The following DMRT2 variants were observed in gnomAD, a reference collection of about 807,000 sequenced individuals.
The protein encoded by DMRT2 is doublesex and mab-3 related transcription factor 2, also known as doublesex- and mab-3-related transcription factor 2.
A neutral mutation model predicts 43.5 loss-of-function variants in DMRT2; 33 were observed. That is an observed-to-expected ratio of 0.76 (90% CI 0.58 to 1.01). The LOEUF (loss-of-function observed/expected upper bound fraction) is 1.01. Ranked by LOEUF, DMRT2 falls within the 50% of genes least tolerant of loss-of-function variation. The pLI, the probability that DMRT2 is intolerant of heterozygous loss-of-function variation, is 0.00. For missense variants in DMRT2, 1,064 were observed against 748.0 expected, an observed-to-expected ratio of 1.42 and a Z score of -4.93; for synonymous variants, 395 against 309.2, an observed-to-expected ratio of 1.28 and a Z score of -2.91.
In DMRT2 at chr9:1,057,117, C is replaced by T. The variant is rs771318177; in HGVS notation, c.1530C>T (p.Asp510=). 12 of 1,613,970 alleles carry T rather than the reference C, an allele frequency of 7.4e-6. No individual in the cohort carries two copies. The highest frequency in any genetic ancestry group is 3.3e-5 in the Admixed American group (2 of 60,002). The change falls in exon 4 of 4, where the codon GAC becomes GAT. Residue 510 remains aspartate (D), a synonymous_variant. Coordinates refer to ENST00000358146, the MANE Select transcript of DMRT2 (RefSeq NM_181872.6). ...PKKHRECLVK[D]NQKYTFTIDR... is the part of the protein sequence containing the mutation. ...AACACAGAGAGTGTTTAGTTAAGGA[C>T]AACCAGAAGTACACATTTACAATAG...
Position 1,057,321 on chromosome 9 carries a change from A to G in DMRT2, c.*48A>G, listed in dbSNP as rs758011765. 3 of 1,512,958 alleles carry G rather than the reference A, an allele frequency of 2.0e-6. No individual in the cohort carries two copies. Among genetic ancestry groups the G allele is most frequent in the Admixed American group, 4.5e-5 (2 of 44,588 alleles). 93.7% of individuals were successfully genotyped at this position (1,512,958 alleles called of 1,614,324 possible). A position where few individuals can be genotyped will look rare whatever the true frequency, so the allele number is the denominator to read the frequency against. On this transcript the variant is annotated 3_prime_UTR_variant, in exon 4 of 4. Transcript: ENST00000358146. Reference sequence around the variant, plus strand: ...GGATTTTCTGCAGTCTTAGAGCATTATAGCCATTTGCTACTTTTTTTAAAA... The same window carrying G: ...GGATTTTCTGCAGTCTTAGAGCATTGTAGCCATTTGCTACTTTTTTTAAAA...
chr9:1,052,163 T>C, intron 2 of DMRT2, 25 bp downstream of exon 2: 1 of 1,344,058 alleles, frequency 7.4e-7, no homozygotes, highest in South Asian at 1.8e-5. Context: ...GGCCCGGGCG[T>C]CTCAGGCCAC....
intron 3 of DMRT2, among the ~76,000 whole-genome samples, 186 bp downstream of exon 3, chr9:1,054,010 G>C (rs1821797602): frequency 6.6e-6 from 1 of 152,202 alleles, no homozygotes; most frequent in Admixed American, 6.5e-5. Context: ...GAGAAGATTA[G>C]CATGGCCCGG....
At chr9:1,052,299 A>G (rs1353748672) in intron 2 of DMRT2, among the ~76,000 whole-genome samples, 161 bp downstream of exon 2, 3 of 152,090 alleles carry the variant, frequency 2.0e-5, no homozygotes, top group African/African-American at 7.2e-5. Flanking sequence ...ACTGGCGAGC[A>G]GGGTCGGGAG....
intron 3 of DMRT2, chr9:1,055,812 T>A: frequency 6.6e-7 from 1 of 1,512,750 alleles, no homozygotes; most frequent in Middle Eastern, 1.8e-4. Flanking sequence ...ATAGATATAT[T>A]TTTTAATAAT....
Position 1,052,142 on chromosome 9 carries a change from C to G in DMRT2, c.525+4C>G. On this transcript the variant is annotated splice_donor_region_variant and intron_variant, in intron 2 of 3. Transcript: ENST00000358146. ...CCGGAGGCAGCAGGCCACCGAGGTG[C>G]GTACCCGCCCGGCCCGGGCGTCTCA... 7.2e-7 allele frequency: 1 copy of G among 1,380,202 alleles called. No individual in the cohort carries two copies. Among genetic ancestry groups the G allele is most frequent in the Non-Finnish European group, 9.3e-7 (1 of 1,073,136 alleles). The allele number at this position is 1,380,202 out of a possible 1,614,324, so 85.5% of individuals were successfully genotyped here. A position where few individuals can be genotyped will look rare whatever the true frequency, so the allele number is the denominator to read the frequency against.
In DMRT2 at chr9:1,053,291, G is replaced by A. The variant is rs1821740478; in HGVS notation, c.526-431G>A. On this transcript the variant is annotated intron_variant, in intron 2 of 3. Coordinates refer to ENST00000358146, the MANE Select transcript of DMRT2 (RefSeq NM_181872.6). ...CCCTGCCACAGGGAGAAATCCGCCC[G>A]GCCTCACTGCTTCACAGCAGGCCTT... Among the ~76,000 whole-genome samples, 4 of 150,768 alleles carry A rather than the reference G, an allele frequency of 2.7e-5. No homozygotes were observed. The South Asian group carries it at 8.3e-4, about 31-fold the overall frequency.
chr9:1,057,391 T>C lies in DMRT2; in HGVS notation c.*118T>C, dbSNP rs1281647414. 6.9e-6 allele frequency: 8 copies of C among 1,151,296 alleles called. No individual in the cohort carries two copies. Among genetic ancestry groups the C allele is most frequent in the African/African-American group, 6.2e-5 (4 of 64,072 alleles). The allele number at this position is 1,151,296 out of a possible 1,614,324, so 71.3% of individuals were successfully genotyped here. ...GAAATTTCTAATGTAAAGATGATGATTTTGAAAAATTTTATATATTCCTAA... is the reference window on the plus strand; with the variant it reads ...GAAATTTCTAATGTAAAGATGATGACTTTGAAAAATTTTATATATTCCTAA... On this transcript the variant is annotated 3_prime_UTR_variant, in exon 4 of 4. Coordinates refer to ENST00000358146, the MANE Select transcript of DMRT2 (RefSeq NM_181872.6).
chr9:1,052,025 C>G lies in DMRT2; in HGVS notation c.412C>G (p.His138Asp). The change falls in exon 2 of 4, where the codon CAC (histidine) becomes GAC (aspartate). Residue 138 changes from histidine to aspartate, a missense_variant. His to Asp is a moderately conservative substitution (Grantham distance 81, BLOSUM62 -1). Transcript: ENST00000358146. ...NHGVVSCLKG[H>D]KRFCRWRDCQ... is the part of the protein sequence containing the mutation. ...CGGCGTGGTGTCCTGCCTGAAGGGCCACAAGCGCTTCTGTCGCTGGCGCGA... is the reference window on the plus strand; with the variant it reads ...CGGCGTGGTGTCCTGCCTGAAGGGCGACAAGCGCTTCTGTCGCTGGCGCGA... The G allele has an allele frequency of 6.8e-7, 1 of 1,477,066 alleles. No homozygotes were observed. Among genetic ancestry groups the G allele is most frequent in the Non-Finnish European group, 8.9e-7 (1 of 1,120,956 alleles). 91.5% of individuals were successfully genotyped at this position (1,477,066 alleles called of 1,614,324 possible). A position where few individuals can be genotyped will look rare whatever the true frequency, so the allele number is the denominator to read the frequency against.
chr9:1,053,624 G>C (rs974110470), intron 2 of DMRT2, 98 bp from the exon 3 acceptor site: 20 of 1,015,708 alleles, frequency 2.0e-5, no homozygotes, highest in African/African-American at 1.8e-4. Flanking sequence ...ATTTAGAAGG[G>C]GGAGAGTTTC....
Position 1,050,697 on chromosome 9 carries a change from C to T in DMRT2, c.-123C>T, listed in dbSNP as rs1821505840. 1 of 152,334 alleles carries T rather than the reference C, an allele frequency of 6.6e-6. No individual in the cohort carries two copies. Among genetic ancestry groups the T allele is most frequent in the Admixed American group, 6.5e-5 (1 of 15,286 alleles). The allele number at this position is 152,334 out of a possible 1,614,324, so 9.4% of individuals were successfully genotyped here. On this transcript the variant is annotated 5_prime_UTR_variant, in exon 1 of 4. Coordinates refer to ENST00000358146, the MANE Select transcript of DMRT2 (RefSeq NM_181872.6). The stretch of plus-strand genomic sequence containing the variant: ...AGCGACCCCGATTTCTGTTTGCATG[C>T]ACAGCCAGCAGCCCTAGCGCCAGAT...
chr9:1,056,135 T>C lies in DMRT2; in HGVS notation c.629-81T>C, dbSNP rs541703034. 2.0e-6 allele frequency: 3 copies of C among 1,526,302 alleles called. No homozygotes were observed. In the Admixed American group the frequency reaches 6.7e-5, roughly 34 times the overall value. The allele number at this position is 1,526,302 out of a possible 1,614,324, so 94.5% of individuals were successfully genotyped here. A position where few individuals can be genotyped will look rare whatever the true frequency, so the allele number is the denominator to read the frequency against. ...AAATAATTGTTCTGCTGATCTGTAG[T>C]GTTGCTGTTACCTTCTGGGTTTCCA... is the stretch of plus-strand genomic sequence containing the variant. On this transcript the variant is annotated intron_variant, in intron 3 of 3. Transcript: ENST00000358146.
intron 3 of DMRT2, 91 bp downstream of exon 3, chr9:1,053,915 A>T (rs755589387): frequency 5.5e-6 from 6 of 1,088,432 alleles, no homozygotes; most frequent in Middle Eastern, 2.3e-4. Context: ...TCTGTGAAAG[A>T]GCTATCTAAA....
intron 3 of DMRT2, 77 bp from the exon 4 acceptor site, chr9:1,056,139 G>A (rs1353300712): frequency 2.6e-5 from 40 of 1,528,094 alleles, no homozygotes; most frequent in Non-Finnish European, 3.3e-5. Context: ...CTGTAGTGTT[G>A]CTGTTACCTT....
At position 1,057,249 on chromosome 9, in the gene DMRT2, T is replaced by C. The variant is rs749806998; in HGVS notation, c.1662T>C (p.Ser554=). 1.4e-5 allele frequency: 22 copies of C among 1,611,772 alleles called. No homozygotes were observed. The highest frequency in any genetic ancestry group is 1.7e-5 in the Non-Finnish European group (20 of 1,179,134). The change falls in exon 4 of 4, where the codon TCT becomes TCC. Residue 554 remains serine (S), a synonymous_variant. Transcript: ENST00000358146. ...AGTCTATTCTTAAGAGGCCTTCATC[T>C]GCCATCACTCGTGTCTCTCAGTGAA... ...SVESILKRPS[S]AITRVSQ
At position 1,051,838 on chromosome 9, in the gene DMRT2, C is replaced by T. The variant is rs1038801460; in HGVS notation, c.225C>T (p.Pro75=). The change falls in exon 2 of 4, where the codon CCC becomes CCT. Residue 75 remains proline (P), a synonymous_variant. Transcript: ENST00000358146. The surrounding 1 kb of genome is among the most constrained non-coding windows in gnomAD (Gnocchi z 5.9). The part of the protein sequence containing the change: ...GEEAGASPGM[P]GQPEQRGGPQ... ...AGGCAGGCGCGTCCCCCGGGATGCC[C>T]GGCCAGCCGGAGCAGCGGGGGGGAC... 4.9e-6 allele frequency: 7 copies of T among 1,435,324 alleles called. No homozygotes were observed. In the Middle Eastern group the frequency reaches 7.1e-4, roughly 146 times the overall value. The allele number at this position is 1,435,324 out of a possible 1,614,324, so 88.9% of individuals were successfully genotyped here. A position where few individuals can be genotyped will look rare whatever the true frequency, so the allele number is the denominator to read the frequency against.
Position 1,052,032 on chromosome 9 carries a change from G to T in DMRT2, c.419G>T (p.Arg140Leu), listed in dbSNP as rs1333486286. Reference sequence around the variant, plus strand: ...GTGTCCTGCCTGAAGGGCCACAAGCGCTTCTGTCGCTGGCGCGACTGCCAG... The same window carrying T: ...GTGTCCTGCCTGAAGGGCCACAAGCTCTTCTGTCGCTGGCGCGACTGCCAG... Reference protein sequence around the residue: ...GVVSCLKGHKRFCRWRDCQCA... With the variant: ...GVVSCLKGHKLFCRWRDCQCA... The change falls in exon 2 of 4, where the codon CGC becomes CTC. Residue 140 changes from arginine (R) to leucine (L), a missense_variant. Arg to Leu is a moderately radical substitution (Grantham distance 102). Transcript: ENST00000358146. 10 of 1,474,418 alleles carry T rather than the reference G, an allele frequency of 6.8e-6. No homozygotes were observed. The highest frequency in any genetic ancestry group is 1.5e-5 in the African/African-American group (1 of 68,152). 91.3% of individuals were successfully genotyped at this position (1,474,418 alleles called of 1,614,324 possible).
Position 1,051,156 on chromosome 9 carries a change from G to T in DMRT2, c.-45+381G>T, listed in dbSNP as rs555968978. Among the ~76,000 whole-genome samples the T allele has an allele frequency of 3.9e-5, 6 of 152,240 alleles. No homozygotes were observed. The South Asian group carries it at 1.2e-3, about 32-fold the overall frequency. ...GGCCACTTGTAATCAAAGGAAAACTGTTCTTCCACGGATAGTTTTATATGC... is the reference window on the plus strand; with the variant it reads ...GGCCACTTGTAATCAAAGGAAAACTTTTCTTCCACGGATAGTTTTATATGC... On this transcript the variant is annotated intron_variant, in intron 1 of 3. Transcript: ENST00000358146. This position sits in a 1 kb window ranked among gnomAD's most constrained non-coding sequence, Gnocchi z 5.9.
chr9:1,057,355 G>A lies in DMRT2; in HGVS notation c.*82G>A. ...TGCTACTTTTTTTAAAAGTTAAGAT[G>A]TTTGTGTAAAGAAATTTCTAATGTA... On this transcript the variant is annotated 3_prime_UTR_variant, in exon 4 of 4. Coordinates refer to ENST00000358146, the MANE Select transcript of DMRT2 (RefSeq NM_181872.6). The A allele has an allele frequency of 7.0e-7, 1 of 1,437,862 alleles. No homozygotes were observed. Among genetic ancestry groups the A allele is most frequent in the Non-Finnish European group, 9.3e-7 (1 of 1,080,710 alleles). The allele number at this position is 1,437,862 out of a possible 1,614,324, so 89.1% of individuals were successfully genotyped here.
Sources: allele counts gnomAD v4.1 joint callset (sites outside exome capture counted in the v4.1 genomes callset), GRCh38; gene constraint gnomAD v4.1.1; non-coding constraint Gnocchi (gnomAD v3.1); transcripts MANE v1.5; gene names NCBI Gene and HGNC (gene_info 2026-07-23, HGNC 2026-07-21).